The following AASDHPPT variants were observed in gnomAD, a reference collection of about 807,000 sequenced individuals.
AASDHPPT encodes L-aminoadipate-semialdehyde dehydrogenase-phosphopantetheinyl transferase.
In AASDHPPT, 23 loss-of-function variants were observed where a neutral mutation model predicts 36.4. The ratio of observed to expected loss-of-function variants is 0.63; its 90% CI spans 0.45 to 0.89. The LOEUF is 0.89. Among genes scored for constraint, AASDHPPT ranks in the 40% least tolerant of loss-of-function variants. The pLI is 0.00. For missense variants in AASDHPPT, 377 were observed against 378.2 expected (o/e 1.00, Z 0.03); for synonymous variants, 115 against 128.0 (o/e 0.90, Z 0.68).
At chr11:106,093,933 T>TA (rs397782085) in intron 4 of AASDHPPT, 1 of 151,884 alleles carries the variant, frequency 6.6e-6, no homozygotes, top group East Asian at 1.9e-4. Context: ...TTTTTTTTTT[T>TA]AACCTTGTAC....
chr11:106,090,578 T>C lies in AASDHPPT; in HGVS notation c.431T>C (p.Phe144Ser). Reference protein sequence around the residue: ...SFPGRGSIPEFFHIMKRKFTN... With the variant: ...SFPGRGSIPESFHIMKRKFTN... ...GCAGGTCGTGGTTCAATTCCAGAAT[T>C]CTTTCATATTATGAAAAGAAAGTTT... is the stretch of plus-strand genomic sequence containing the variant. Residue 144 changes from phenylalanine (F) to serine (S), a missense_variant, in exon 3 of 6, where the codon TTC becomes TCC. Phe to Ser is a radical substitution (Grantham distance 155). Transcript: ENST00000278618. 1 of 1,588,400 alleles carries C rather than the reference T, an allele frequency of 6.3e-7. No individual in the cohort carries two copies. Among genetic ancestry groups the C allele is most frequent in the South Asian group, 1.2e-5 (1 of 85,572 alleles).
intron 2 of AASDHPPT, among the ~76,000 whole-genome samples, chr11:106,082,908 A>G (rs1356745036): frequency 1.3e-5 from 2 of 152,188 alleles, no homozygotes; most frequent in Non-Finnish European, 1.5e-5. Context: ...TTGTGACCAT[A>G]TTTACAAAGT....
intron 2 of AASDHPPT, among the ~76,000 whole-genome samples, chr11:106,088,922 A>G (rs947726774): frequency 2.0e-5 from 3 of 152,050 alleles, no homozygotes; most frequent in African/African-American, 7.2e-5. Context: ...AGAGGAGACT[A>G]TTTTGACTCT....
chr11:106,087,898 T>G (rs1027739828), intron 2 of AASDHPPT, among the ~76,000 whole-genome samples: 1 of 152,220 alleles, frequency 6.6e-6, no homozygotes, highest in Admixed American at 6.5e-5. Flanking sequence ...GTAATTGTGC[T>G]GTCTTCAAAT....
At position 106,096,974 on chromosome 11, in the gene AASDHPPT, T is replaced by TG; in HGVS notation, c.*68dup. The TG allele has an allele frequency of 7.0e-7, 1 of 1,426,442 alleles. No individual in the cohort carries two copies. The highest frequency in any genetic ancestry group is 9.3e-7 in the Non-Finnish European group (1 of 1,072,072). The allele number at this position is 1,426,442 out of a possible 1,614,324, so 88.4% of individuals were successfully genotyped here. ...TCTTCCGTATTCACTGAAAAATAAA[T>TG]GCTTGTTTAGTATCAAATTTTATTT... On this transcript the variant is annotated 3_prime_UTR_variant, in exon 6 of 6. Transcript: ENST00000278618.
intron 2 of AASDHPPT, among the ~76,000 whole-genome samples, chr11:106,086,640 C>G (rs778646095): frequency 1.7e-4 from 26 of 152,132 alleles, no homozygotes; most frequent in Non-Finnish European, 3.5e-4. Context: ...AACTCTAAAT[C>G]TCATGTAAGT....
chr11:106,085,237 G>C (rs1250728489), intron 2 of AASDHPPT, among the ~76,000 whole-genome samples: 1 of 152,118 alleles, frequency 6.6e-6, no homozygotes, highest in Non-Finnish European at 1.5e-5. Context: ...GAGTAGCTGG[G>C]ACTACAGGCA....
chr11:106,087,107 TG>T (rs1474367307), intron 2 of AASDHPPT, among the ~76,000 whole-genome samples: 1 of 152,184 alleles, frequency 6.6e-6, no homozygotes, highest in African/African-American at 2.4e-5. Flanking sequence ...GCCTAAATGG[TG>T]AGTTTCAAAC....
In AASDHPPT at chr11:106,086,885, C is replaced by T. The variant is rs139531941; in HGVS notation, c.410-3672C>T. ...CATTGTTCTCAAACATGTTCCAAAC[C>T]CAGCAGAGTAAATTCATTAGGTTTC... On this transcript the variant is annotated intron_variant, in intron 2 of 5. Transcript: ENST00000278618. Among the ~76,000 whole-genome samples the T allele has an allele frequency of 3.3e-3, 501 of 152,244 alleles. 3 individuals carry two copies. The highest frequency in any genetic ancestry group is 0.011 in the African/African-American group (477 of 41,538).
At chr11:106,078,946 G>A (rs1193850683) in intron 1 of AASDHPPT, among the ~76,000 whole-genome samples, 1 of 152,140 alleles carries the variant, frequency 6.6e-6, no homozygotes, top group Non-Finnish European at 1.5e-5. Flanking sequence ...ATGCACAGAT[G>A]TAGGTACAGT....
At chr11:106,079,736 C>T (rs1011743021) in intron 2 of AASDHPPT, 44 bp downstream of exon 2, 1 of 1,511,294 alleles carries the variant, frequency 6.6e-7, no homozygotes, top group Non-Finnish European at 9.2e-7. Context: ...TGTCTCGATG[C>T]CTCAGTTCTA....
intron 2 of AASDHPPT, among the ~76,000 whole-genome samples, chr11:106,082,705 G>A (rs537745448): frequency 6.6e-6 from 1 of 152,116 alleles, no homozygotes; most frequent in Non-Finnish European, 1.5e-5. Context: ...AACATACCTA[G>A]TATATAGCCT....
intron 2 of AASDHPPT, among the ~76,000 whole-genome samples, chr11:106,083,837 A>G (rs1371172731): frequency 1.3e-5 from 2 of 152,192 alleles, no homozygotes; most frequent in East Asian, 3.8e-4. Context: ...GTCGAGTTGC[A>G]GTAAATCTTT....
chr11:106,078,044 G>T, intron 1 of AASDHPPT, 151 bp downstream of exon 1: 1 of 1,082,474 alleles, frequency 9.2e-7, no homozygotes. Context: ...CGGCGCTGCG[G>T]AGTTGTGGGC....
chr11:106,091,292 A>G (rs1245267709), intron 3 of AASDHPPT, 24 bp from the exon 4 acceptor site: 1 of 1,565,364 alleles, frequency 6.4e-7, no homozygotes, highest in African/African-American at 1.4e-5. Context: ...AAATTCTAAG[A>G]GAAAATGTCT....
chr11:106,095,119 C>G (rs1444852384), intron 5 of AASDHPPT, among the ~76,000 whole-genome samples: 1 of 151,638 alleles, frequency 6.6e-6, no homozygotes, highest in Non-Finnish European at 1.5e-5. Context: ...AGCGAAACTC[C>G]GTCTCAAAAA....
At chr11:106,086,401 G>A (rs1214047995) in intron 2 of AASDHPPT, 3 of 152,098 alleles carry the variant, frequency 2.0e-5, no homozygotes, top group African/African-American at 4.8e-5. Flanking sequence ...ATTGGATTCA[G>A]GGCTCACTTT....
chr11:106,083,137 T>C (rs921456869), intron 2 of AASDHPPT, among the ~76,000 whole-genome samples: 2 of 152,136 alleles, frequency 1.3e-5, no homozygotes, highest in African/African-American at 4.8e-5. Context: ...GAAAACCAAG[T>C]CTCCACCCTC....
At chr11:106,091,759 G>C (rs1861259270) in intron 4 of AASDHPPT, 1 of 242,302 alleles carries the variant, frequency 4.1e-6, no homozygotes, top group Non-Finnish European at 7.8e-6. Context: ...CTTTGGCTGG[G>C]CCATAATGAG....
Sources: gnomAD v4.1 joint callset for allele counts (sites outside exome capture counted in the v4.1 genomes callset) on GRCh38, gnomAD v4.1.1 for gene constraint, MANE v1.5 for transcripts, NCBI Gene and HGNC (gene_info 2026-07-23, HGNC 2026-07-21) for gene names.